MAML3: variants seen among roughly 807,000 people sequenced by gnomAD.
MAML3 encodes the protein mastermind-like protein 3.
In MAML3, 27 loss-of-function variants were observed where a neutral mutation model predicts 101.9. That is an observed-to-expected ratio of 0.27 (90% CI 0.20 to 0.37). MAML3 has a LOEUF of 0.37. Ranked by LOEUF, MAML3 falls within the 10% of genes least tolerant of loss-of-function variation. The pLI is 1.00. For missense variants in MAML3, 1,316 were observed against 1,444.9 expected (o/e 0.91, Z 1.45); for synonymous variants, 501 against 555.9 (o/e 0.90, Z 1.39).
intron 1 of MAML3, among the ~76,000 whole-genome samples, chr4:140,016,870 A>G (rs927778411): frequency 1.2e-4 from 19 of 152,326 alleles, no homozygotes; most frequent in African/African-American, 4.3e-4. Context: ...TAGGAAAAAA[A>G]GTAAGAGAAA....
At chr4:139,998,971 C>T (rs1468685715) in intron 1 of MAML3, among the ~76,000 whole-genome samples, 1 of 152,176 alleles carries the variant, frequency 6.6e-6, no homozygotes, top group African/African-American at 2.4e-5. Flanking sequence ...CCATTCTCTG[C>T]TGATGGATCT....
chr4:139,916,235 A>G (rs1170434770), intron 1 of MAML3, among the ~76,000 whole-genome samples: 1 of 152,174 alleles, frequency 6.6e-6, no homozygotes, highest in African/African-American at 2.4e-5. Flanking sequence ...CTGAGATAGG[A>G]AAAAAAGGAA....
intron 1 of MAML3, among the ~76,000 whole-genome samples, chr4:139,913,253 A>C (rs896086561): frequency 6.6e-6 from 1 of 152,198 alleles, no homozygotes; most frequent in Non-Finnish European, 1.5e-5. Flanking sequence ...GTAGATGTGT[A>C]CAAGTAATGC....
chr4:140,069,718 G>A (rs1479968109), intron 1 of MAML3, among the ~76,000 whole-genome samples: 1 of 151,706 alleles, frequency 6.6e-6, no homozygotes, highest in Non-Finnish European at 1.5e-5. Context: ...GAAGAAAGAA[G>A]AAAGAAGAAG....
intron 1 of MAML3, among the ~76,000 whole-genome samples, chr4:140,081,335 A>G (rs912860079): frequency 6.6e-6 from 1 of 152,218 alleles, no homozygotes; most frequent in Non-Finnish European, 1.5e-5. Flanking sequence ...AAGTTCCACA[A>G]GCAAAATCCT....
At chr4:140,010,162 A>G (rs1560865414) in intron 1 of MAML3, among the ~76,000 whole-genome samples, 1 of 152,232 alleles carries the variant, frequency 6.6e-6, no homozygotes. Context: ...ATTCTCTACT[A>G]TGCTTCACTT....
At chr4:139,876,043 G>A (rs2111182084) in intron 2 of MAML3, among the ~76,000 whole-genome samples, 1 of 151,720 alleles carries the variant, frequency 6.6e-6, no homozygotes, top group East Asian at 1.9e-4. Context: ...AGCCACATGT[G>A]GCTGTTGAAC....
intron 1 of MAML3, among the ~76,000 whole-genome samples, chr4:140,078,466 C>A (rs1727811846): frequency 6.6e-6 from 1 of 152,044 alleles, no homozygotes; most frequent in Non-Finnish European, 1.5e-5. Flanking sequence ...GTGACACCAG[C>A]GATGTTGTGG....
At chr4:140,022,607 G>A (rs1457321291) in intron 1 of MAML3, among the ~76,000 whole-genome samples, 1 of 152,196 alleles carries the variant, frequency 6.6e-6, no homozygotes, top group Non-Finnish European at 1.5e-5. Context: ...TATTAACTTG[G>A]TTCTAGAAAT....
chr4:139,830,960 A>T (rs911373532), intron 2 of MAML3, among the ~76,000 whole-genome samples: 1 of 152,198 alleles, frequency 6.6e-6, no homozygotes, highest in Non-Finnish European at 1.5e-5. Context: ...ACCCAAACAA[A>T]AAAAGCAATA....
chr4:140,105,494 A>C (rs959350017), intron 1 of MAML3, among the ~76,000 whole-genome samples: 2 of 152,226 alleles, frequency 1.3e-5, no homozygotes, highest in Non-Finnish European at 2.9e-5. Flanking sequence ...CTTATGGAAT[A>C]AATAGTAGGA....
intron 1 of MAML3, among the ~76,000 whole-genome samples, chr4:139,937,675 A>G (rs1473331480): frequency 6.6e-6 from 1 of 152,182 alleles, no homozygotes; most frequent in African/African-American, 2.4e-5. Flanking sequence ...GGTATGAGCC[A>G]CTGCGCCTGG....
chr4:139,846,515 G>A (rs953960862), intron 2 of MAML3, among the ~76,000 whole-genome samples: 1 of 151,918 alleles, frequency 6.6e-6, no homozygotes, highest in Non-Finnish European at 1.5e-5. Flanking sequence ...ACCAGGATAA[G>A]TTTTGTATTT....
intron 2 of MAML3, among the ~76,000 whole-genome samples, chr4:139,842,760 G>GC (rs1452925074): frequency 2.7e-5 from 2 of 74,788 alleles, no homozygotes; most frequent in Non-Finnish European, 5.0e-5. Flanking sequence ...TTATCCGCTT[G>GC]CCTTTTTTTT....
At chr4:139,755,365 CT>C (rs1729624286) in intron 2 of MAML3, among the ~76,000 whole-genome samples, 1 of 152,178 alleles carries the variant, frequency 6.6e-6, no homozygotes, top group Non-Finnish European at 1.5e-5. Flanking sequence ...CACAGGCGTG[CT>C]GGGAGGCTGA....
intron 2 of MAML3, among the ~76,000 whole-genome samples, chr4:139,755,615 A>G (rs1252527916): frequency 6.6e-6 from 1 of 152,158 alleles, no homozygotes; most frequent in Non-Finnish European, 1.5e-5. Flanking sequence ...ATTTCCAATT[A>G]ATTTTTGGTC....
chr4:139,998,567 T>C (rs1324868932), intron 1 of MAML3, among the ~76,000 whole-genome samples: 1 of 152,206 alleles, frequency 6.6e-6, no homozygotes, highest in Non-Finnish European at 1.5e-5. Context: ...TGTCTGAAAG[T>C]CCAACATCTG....
At chr4:139,722,543 A>G (rs923451141) in intron 4 of MAML3, among the ~76,000 whole-genome samples, 4 of 152,242 alleles carry the variant, frequency 2.6e-5, no homozygotes, top group Non-Finnish European at 4.4e-5. Flanking sequence ...TAACATCACA[A>G]TGTCCAAGAA....
Position 139,781,225 on chromosome 4 carries a change from C to T in MAML3, c.2080-50558G>A, listed in dbSNP as rs114049459. 2.8e-3 allele frequency among the ~76,000 whole-genome samples: 428 copies of T among 152,218 alleles called. 2 individuals are homozygous for T. The highest frequency in any genetic ancestry group is 6.8e-3 in the Middle Eastern group (2 of 294). ...CAGAGGAAAACCCAGAAACACTCTA[C>T]AACATGAAGCAATATAACCCACCCA... On this transcript the variant is annotated intron_variant, in intron 2 of 4. Coordinates refer to ENST00000509479, the MANE Select transcript of MAML3 (RefSeq NM_018717.5).
Sources: allele counts gnomAD v4.1 joint callset (sites outside exome capture counted in the v4.1 genomes callset), GRCh38; gene constraint gnomAD v4.1.1; transcripts MANE v1.5; gene names NCBI Gene and HGNC (gene_info 2026-07-23, HGNC 2026-07-21).